The following AUTS2 variants were observed in gnomAD, a reference collection of about 807,000 sequenced individuals.
AUTS2 encodes activator of transcription and developmental regulator AUTS2.
A neutral mutation model predicts 112.4 loss-of-function variants in AUTS2; 17 were observed. The observed-to-expected ratio is 0.15, with a 90% CI of 0.10 to 0.23. The LOEUF is 0.23. Among genes scored for constraint, AUTS2 ranks in the 10% least tolerant of loss-of-function variants. The probability of loss-of-function intolerance (pLI) is 1.00; values close to 1 mark genes in which losing one functional copy is unlikely to be tolerated. For missense variants in AUTS2, 1,510 were observed against 1,701.6 expected (o/e 0.89, Z 1.98); for synonymous variants, 751 against 702.7 (o/e 1.07, Z -1.09).
intron 2 of AUTS2, among the ~76,000 whole-genome samples, chr7:69,948,058 C>T (rs915621848): frequency 1.3e-5 from 2 of 152,182 alleles, no homozygotes; most frequent in African/African-American, 4.8e-5. Context: ...CAAAGCAATT[C>T]TGTGGTTCTT....
intron 5 of AUTS2, among the ~76,000 whole-genome samples, chr7:70,665,796 T>C (rs910654286): frequency 1.3e-5 from 2 of 152,190 alleles, no homozygotes; most frequent in Non-Finnish European, 2.9e-5. Context: ...TTTGTATGCA[T>C]GTATTCTGCC....
intron 2 of AUTS2, among the ~76,000 whole-genome samples, chr7:70,022,502 G>A (rs1417729596): frequency 6.6e-6 from 1 of 151,942 alleles, no homozygotes; most frequent in Non-Finnish European, 1.5e-5. Flanking sequence ...TGTATTTTTA[G>A]TAGAGAAAGG....
In AUTS2 at chr7:70,134,716, A is replaced by G. The variant is rs1806459979; in HGVS notation, c.660+145A>G. On this transcript the variant is annotated intron_variant, in intron 4 of 18. Coordinates refer to ENST00000342771, the MANE Select transcript of AUTS2 (RefSeq NM_015570.4). ...GACTGATTTCCATTCTTTATTAGGAATTGTTTTATTTTTAGAAGACATAGC... is the reference window on the plus strand; with the variant it reads ...GACTGATTTCCATTCTTTATTAGGAGTTGTTTTATTTTTAGAAGACATAGC... 3 of 825,206 alleles carry G rather than the reference A, an allele frequency of 3.6e-6. No homozygotes were observed. The Admixed American group carries it at 6.5e-5, about 18-fold the overall frequency. The allele number at this position is 825,206 out of a possible 1,614,324, so 51.1% of individuals were successfully genotyped here.
intron 4 of AUTS2, among the ~76,000 whole-genome samples, chr7:70,422,839 A>T (rs529610725): frequency 1.3e-5 from 2 of 152,204 alleles, no homozygotes; most frequent in East Asian, 1.9e-4. Context: ...ACACTTTCAG[A>T]TCTTTTAGTG....
At chr7:70,690,691 A>G (rs944607734) in intron 5 of AUTS2, among the ~76,000 whole-genome samples, 3 of 152,206 alleles carry the variant, frequency 2.0e-5, no homozygotes, top group Non-Finnish European at 2.9e-5. Context: ...GGCCAGACAG[A>G]GTGGTTCATG....
At chr7:70,437,654 C>T (rs1365237344) in intron 5 of AUTS2, 2 of 152,136 alleles carry the variant, frequency 1.3e-5, no homozygotes, top group African/African-American at 4.8e-5. Context: ...TCCTGGCTAA[C>T]ACTGTGAAAC....
rs775953543 is a variant in AUTS2, at chr7:70,785,972, T to C, written c.2242T>C (p.Ser748Pro). ...GTTTGCAGAGCCTTTTAATCGGCCG[T>C]CTACATTCACAGGCCTAGCAGCAGT... ...AAHLEPFNRP[S>P]TFTGLAAVGG... Residue 748 changes from serine (S) to proline (P), a missense_variant, in exon 17 of 19, where the codon TCT (serine) becomes CCT (proline). Physicochemically the swap from Ser to Pro is moderately conservative, Grantham distance 74. Transcript: ENST00000342771. 6.2e-7 allele frequency: 1 copy of C among 1,613,992 alleles called. No homozygotes were observed. Among genetic ancestry groups the C allele is most frequent in the Non-Finnish European group, 8.5e-7 (1 of 1,179,962 alleles).
At chr7:69,998,945 G>C (rs1305941298) in intron 2 of AUTS2, among the ~76,000 whole-genome samples, 1 of 152,186 alleles carries the variant, frequency 6.6e-6, no homozygotes, top group Non-Finnish European at 1.5e-5. Flanking sequence ...CAGACAGAAA[G>C]CACTGCCAGT....
intron 4 of AUTS2, among the ~76,000 whole-genome samples, chr7:70,306,707 C>T (rs1392832417): frequency 6.6e-6 from 1 of 152,132 alleles, no homozygotes; most frequent in Non-Finnish European, 1.5e-5. Flanking sequence ...CTGTGCTAAC[C>T]ATTTTGTTCA....
intron 2 of AUTS2, among the ~76,000 whole-genome samples, chr7:70,022,314 G>A (rs1045115547): frequency 2.0e-5 from 3 of 151,024 alleles, no homozygotes; most frequent in African/African-American, 7.3e-5. Context: ...GTGGGTGTTA[G>A]ACTAATAGAT....
At chr7:69,629,918 A>C (rs1794148527) in intron 1 of AUTS2, among the ~76,000 whole-genome samples, 2 of 152,146 alleles carry the variant, frequency 1.3e-5, no homozygotes, top group South Asian at 4.2e-4. Flanking sequence ...GACAGAGGAA[A>C]TTGAGGCACT....
intron 2 of AUTS2, among the ~76,000 whole-genome samples, chr7:70,092,856 C>A (rs1803991668): frequency 6.6e-6 from 1 of 152,086 alleles, no homozygotes; most frequent in African/African-American, 2.4e-5. Context: ...CTCGCGGGGC[C>A]CCCTCTCCAT....
rs1350395789 is a variant in AUTS2, at chr7:70,793,252, G to A, written c.*2256G>A. Reference sequence around the variant, plus strand: ...AAGTGTTTGCTTTTCCAGCAGTGATGAGAATTCTGACCTAGGGCCTGTGAC... The same window carrying A: ...AAGTGTTTGCTTTTCCAGCAGTGATAAGAATTCTGACCTAGGGCCTGTGAC... On this transcript the variant is annotated 3_prime_UTR_variant, in exon 19 of 19. Coordinates refer to ENST00000342771, the MANE Select transcript of AUTS2 (RefSeq NM_015570.4). The A allele has an allele frequency of 1.3e-5, 2 of 152,198 alleles. No homozygotes were observed. Among genetic ancestry groups the A allele is most frequent in the African/African-American group, 4.8e-5 (2 of 41,436 alleles). The allele number at this position is 152,198 out of a possible 1,614,324, so 9.4% of individuals were successfully genotyped here.
intron 5 of AUTS2, among the ~76,000 whole-genome samples, chr7:70,645,535 T>A (rs1484577190): frequency 2.0e-5 from 3 of 152,124 alleles, no homozygotes; most frequent in African/African-American, 7.2e-5. Flanking sequence ...ATTTTCCAGC[T>A]AAGTGTGGTT....
chr7:70,220,255 T>G lies in AUTS2; in HGVS notation c.660+85684T>G, dbSNP rs368458914. Among the ~76,000 whole-genome samples, 12 of 152,320 alleles carry G rather than the reference T, an allele frequency of 7.9e-5. No homozygotes were observed. In the East Asian group the frequency reaches 2.1e-3, roughly 27 times the overall value. ...ATAATTCTTTGATTTTTTTCAATCA[T>G]TTAAAAATATAAAAGCCATTCTTAG... On this transcript the variant is annotated intron_variant, in intron 4 of 18. Coordinates refer to ENST00000342771, the MANE Select transcript of AUTS2 (RefSeq NM_015570.4).
chr7:70,384,289 G>T (rs1332925758), intron 4 of AUTS2, among the ~76,000 whole-genome samples: 1 of 152,200 alleles, frequency 6.6e-6, no homozygotes, highest in Admixed American at 6.5e-5. Context: ...CTACTCAGAC[G>T]CACTGACTGT....
intron 5 of AUTS2, among the ~76,000 whole-genome samples, chr7:70,555,966 G>A (rs563593189): frequency 6.6e-6 from 1 of 152,058 alleles, no homozygotes; most frequent in East Asian, 1.9e-4. Context: ...CACCATGCCC[G>A]GCTAATTTTT....
chr7:69,649,659 A>C (rs1795204884), intron 1 of AUTS2, among the ~76,000 whole-genome samples: 1 of 152,050 alleles, frequency 6.6e-6, no homozygotes, highest in African/African-American at 2.4e-5. Context: ...CATGTGAATT[A>C]TGTTTTGATG....
At chr7:69,938,443 A>G (rs143552138) in intron 2 of AUTS2, among the ~76,000 whole-genome samples, 4 of 152,348 alleles carry the variant, frequency 2.6e-5, no homozygotes, top group Non-Finnish European at 5.9e-5. Context: ...TTAAAATACA[A>G]TAATCCTTTT....
Sources: gnomAD v4.1 joint callset for allele counts (sites outside exome capture counted in the v4.1 genomes callset) on GRCh38, gnomAD v4.1.1 for gene constraint, MANE v1.5 for transcripts, NCBI Gene and HGNC (gene_info 2026-07-23, HGNC 2026-07-21) for gene names.